MYO18A: variants seen among roughly 807,000 people sequenced by gnomAD.
The protein encoded by MYO18A is myosin XVIIIA.
In MYO18A, 78 loss-of-function variants were observed where a neutral mutation model predicts 235.8. The observed-to-expected ratio is 0.33, with a 90% CI of 0.28 to 0.40. The LOEUF is 0.40. Ranked by LOEUF, MYO18A falls within the 10% of genes least tolerant of loss-of-function variation. MYO18A has a pLI of 1.00. For synonymous variants in MYO18A, 977 were observed against 1,077.8 expected (o/e 0.91, Z 1.83); for missense variants, 2,215 against 2,699.3 (o/e 0.82, Z 3.98).
intron 20 of MYO18A, among the ~76,000 whole-genome samples, chr17:29,104,063 GA>G (rs1298050823): frequency 6.6e-6 from 1 of 152,216 alleles, no homozygotes; most frequent in East Asian, 1.9e-4. Flanking sequence ...ATGCACTGAG[GA>G]AACTCCAAGT....
intron 10 of MYO18A, 97 bp from the exon 11 acceptor site, chr17:29,116,552 C>T (rs752627778): frequency 1.3e-5 from 19 of 1,487,802 alleles, no homozygotes; most frequent in Middle Eastern, 1.7e-4. Flanking sequence ...GACCGTGGGG[C>T]GGGGGTGTTG....
At chr17:29,145,351 C>T (rs1197611419) in intron 2 of MYO18A, among the ~76,000 whole-genome samples, 1 of 152,180 alleles carries the variant, frequency 6.6e-6, no homozygotes, top group East Asian at 1.9e-4. Flanking sequence ...GCTCTGCTCT[C>T]CCACATTGGT....
chr17:29,137,145 C>G (rs2067623174), intron 2 of MYO18A: 1 of 152,208 alleles, frequency 6.6e-6, no homozygotes, highest in Non-Finnish European at 1.5e-5. Flanking sequence ...AGTGGCAGAG[C>G]TGGGAGCCAC....
Position 29,111,440 on chromosome 17 carries a change from G to A in MYO18A, c.2884C>T (p.Leu962=). 6.2e-7 allele frequency: 1 copy of A among 1,612,378 alleles called. No homozygotes were observed. Residue 962 remains leucine, a synonymous_variant, in exon 17 of 42, where the codon CTG becomes TTG. Coordinates refer to ENST00000527372, the MANE Select transcript of MYO18A (RefSeq NM_078471.4). The surrounding 1 kb of genome is among the most constrained non-coding windows in gnomAD (Gnocchi z 5.1). ...NPATQNAPRL[L]QDSQKKIISN... ...TGGTCTTACTTCTGGGAGTCCTGCA[G>A]GAGCCGGGGGGCATTCTGGGTGGCT...
At chr17:29,138,085 C>A (rs1020537159) in intron 2 of MYO18A, among the ~76,000 whole-genome samples, 1 of 152,106 alleles carries the variant, frequency 6.6e-6, no homozygotes. Flanking sequence ...AGAGCCTACC[C>A]GCCCTTAACC....
At chr17:29,127,288 G>A (rs922728699) in intron 2 of MYO18A, among the ~76,000 whole-genome samples, 17 of 152,174 alleles carry the variant, frequency 1.1e-4, no homozygotes, top group African/African-American at 3.9e-4. Flanking sequence ...ATTAATGTTT[G>A]TTACACGTTG....
At chr17:29,172,954 C>G (rs931420177) in intron 1 of MYO18A, among the ~76,000 whole-genome samples, 1 of 152,072 alleles carries the variant, frequency 6.6e-6, no homozygotes, top group Non-Finnish European at 1.5e-5. Context: ...TTGAGGTATA[C>G]TATTTTCAAT....
intron 2 of MYO18A, among the ~76,000 whole-genome samples, chr17:29,145,284 C>CG (rs1406987025): frequency 6.6e-6 from 1 of 152,160 alleles, no homozygotes; most frequent in Non-Finnish European, 1.5e-5. Flanking sequence ...GCACAATAAA[C>CG]GGGCTGGAAT....
intron 21 of MYO18A, among the ~76,000 whole-genome samples, chr17:29,100,950 C>T (rs773406690): frequency 1.2e-4 from 18 of 152,230 alleles, no homozygotes; most frequent in Non-Finnish European, 2.5e-4. Flanking sequence ...ATCCCACCAT[C>T]GAACATGGGG....
chr17:29,124,674 G>A (rs1224692493), intron 2 of MYO18A: 7 of 1,285,150 alleles, frequency 5.4e-6, no homozygotes, highest in South Asian at 1.2e-5. Flanking sequence ...CATGAGAGGC[G>A]GCCTCAGAGT....
At chr17:29,080,803 G>A (rs2066102307) in intron 41 of MYO18A, 2 of 985,362 alleles carry the variant, frequency 2.0e-6, no homozygotes, top group Admixed American at 1.2e-4. Flanking sequence ...GCCTGGGCAT[G>A]GCTCCTCCCT....
chr17:29,114,116 C>A lies in MYO18A; in HGVS notation c.2512-19G>T. ...TGTTCTCCTGGGAAAGAAGGCCGAG[C>A]GGTAGTGAGCATGGGGGTCACATTG... On this transcript the variant is annotated intron_variant, in intron 14 of 41. Transcript: ENST00000527372. 3 of 1,567,214 alleles carry A rather than the reference C, an allele frequency of 1.9e-6. No individual in the cohort carries two copies. Among genetic ancestry groups the A allele is most frequent in the Non-Finnish European group, 2.6e-6 (3 of 1,152,878 alleles).
intron 2 of MYO18A, chr17:29,128,622 G>T (rs749709132): frequency 5.5e-6 from 6 of 1,081,752 alleles, no homozygotes; most frequent in Non-Finnish European, 7.1e-6. Context: ...GAATAAGAAG[G>T]TGTGACCTCA....
intron 2 of MYO18A, chr17:29,133,799 T>C (rs2067531282): frequency 7.8e-7 from 1 of 1,289,136 alleles, no homozygotes; most frequent in Non-Finnish European, 1.0e-6. Context: ...CCAACTTTCC[T>C]TTTGCTCCCA....
At chr17:29,169,486 C>G (rs2068354157) in intron 1 of MYO18A, among the ~76,000 whole-genome samples, 1 of 152,150 alleles carries the variant, frequency 6.6e-6, no homozygotes. Context: ...GAGTACCTGA[C>G]AGCCAGCATT....
chr17:29,161,441 C>T (rs956203101), intron 2 of MYO18A, among the ~76,000 whole-genome samples: 7 of 149,682 alleles, frequency 4.7e-5, no homozygotes, highest in African/African-American at 9.9e-5. Flanking sequence ...GTGGGAGGAT[C>T]GCTTGAGCAT....
chr17:29,090,999 CAGGGG>C, intron 34 of MYO18A, 73 bp from the exon 35 acceptor site: 2 of 1,221,096 alleles, frequency 1.6e-6, no homozygotes, highest in Non-Finnish European at 2.4e-6. Flanking sequence ...CCTCCAATGG[CAGGGG>C]CATTGTAGAG....
Position 29,166,585 on chromosome 17 carries a change from T to G in MYO18A, c.356A>C (p.Gln119Pro), listed in dbSNP as rs1449541655. Reference sequence around the variant, plus strand: ...CAGTGAGCCGAACTTGGCTGCCCGCTGCAGCACCGAGCCACGGAAGCTACC... The same window carrying G: ...CAGTGAGCCGAACTTGGCTGCCCGCGGCAGCACCGAGCCACGGAAGCTACC... The part of the protein sequence containing the change: ...EEGSFRGSVL[Q>P]RAAKFGSLAK... Residue 119 changes from glutamine to proline, a missense_variant, in exon 2 of 42, where the codon CAG (glutamine) becomes CCG (proline). Gln to Pro is a moderately conservative substitution (Grantham distance 76). Transcript: ENST00000527372. The G allele has an allele frequency of 6.2e-7, 1 of 1,613,672 alleles. No individual in the cohort carries two copies. Among genetic ancestry groups the G allele is most frequent in the Non-Finnish European group, 8.5e-7 (1 of 1,179,862 alleles).
rs1037822537 is a variant in MYO18A, at chr17:29,082,264, T to C, written c.6020+52A>G. On this transcript the variant is annotated intron_variant, in intron 41 of 41. Transcript: ENST00000527372. ...ATGGGATCCAGGCGCTACTTGTCCA[T>C]TCCTTGTGGCACAAGGTGGCTTTTC... The C allele has an allele frequency of 8.7e-6, 14 of 1,610,890 alleles. No individual in the cohort carries two copies. In the East Asian group the frequency reaches 8.9e-5, roughly 10 times the overall value.
Sources: allele counts gnomAD v4.1 joint callset (sites outside exome capture counted in the v4.1 genomes callset), GRCh38; gene constraint gnomAD v4.1.1; non-coding constraint Gnocchi (gnomAD v3.1); transcripts MANE v1.5; gene names NCBI Gene and HGNC (gene_info 2026-07-23, HGNC 2026-07-21).